The following FOXP2 variants were observed in gnomAD, a reference collection of about 807,000 sequenced individuals.
FOXP2 encodes forkhead box protein P2.
FOXP2 carries 12 observed loss-of-function variants against 115.8 expected under a neutral mutation model. That is an observed-to-expected ratio of 0.10 (90% CI 0.07 to 0.17). The LOEUF is 0.17. Among genes scored for constraint, FOXP2 ranks in the 10% least tolerant of loss-of-function variants. The pLI is 1.00. For missense variants in FOXP2, 629 were observed against 843.5 expected (o/e 0.75, Z 3.15); for synonymous variants, 328 against 297.7 (o/e 1.10, Z -1.05).
intron 1 of FOXP2, among the ~76,000 whole-genome samples, chr7:114,177,113 T>G (rs549001076): frequency 6.6e-6 from 1 of 152,290 alleles, no homozygotes; most frequent in African/African-American, 2.4e-5. Context: ...TTTTGGTTGT[T>G]TGTTTTCCTG....
At chr7:114,278,898 A>ATT (rs200379915) in intron 1 of FOXP2, among the ~76,000 whole-genome samples, 1 of 150,534 alleles carries the variant, frequency 6.6e-6, no homozygotes, top group Non-Finnish European at 1.5e-5. Context: ...AATGCCAGTG[A>ATT]TTTTTTTTTT....
chr7:114,160,457 T>C (rs1792798217), upstream of FOXP2, among the ~76,000 whole-genome samples: 1 of 152,164 alleles, frequency 6.6e-6, no homozygotes. Flanking sequence ...TTCATTGACA[T>C]ATATACTCTA....
At chr7:114,373,796 G>A (rs1527156) in intron 2 of FOXP2, among the ~76,000 whole-genome samples, 146,781 of 152,342 alleles carry the variant, frequency 0.96, 70,941 homozygotes, top group East Asian at 1. Context: ...TATAGTATCT[G>A]TGTAAGATAA....
Position 114,654,383 on chromosome 7 carries a change from C to A in FOXP2, c.1266+374C>A, listed in dbSNP as rs536564460. ...CACAAATAGAAATGTATGTGGTGTG[C>A]TGAAGAAGGCAGATCAATCATAAGA... is the stretch of plus-strand genomic sequence containing the variant. On this transcript the variant is annotated intron_variant, in intron 10 of 16. Coordinates refer to ENST00000350908, the MANE Select transcript of FOXP2 (RefSeq NM_014491.4). Among the ~76,000 whole-genome samples, 183 of 152,216 alleles carry A rather than the reference C, an allele frequency of 1.2e-3. 1 individual carries two copies. Among genetic ancestry groups the A allele is most frequent in the Non-Finnish European group, 1.9e-3 (132 of 68,012 alleles).
chr7:114,472,058 T>C (rs981532617), intron 2 of FOXP2, among the ~76,000 whole-genome samples: 3 of 152,116 alleles, frequency 2.0e-5, no homozygotes, highest in Non-Finnish European at 2.9e-5. Flanking sequence ...TGCAAACAGG[T>C]TTGCTAATTT....
At chr7:114,655,916 C>T (rs566154302) in intron 10 of FOXP2, among the ~76,000 whole-genome samples, 10 of 152,200 alleles carry the variant, frequency 6.6e-5, no homozygotes, top group Middle Eastern at 3.4e-3. Context: ...ATCAAGGCTG[C>T]GAGTCCTGAA....
At position 114,575,890 on chromosome 7, in the gene FOXP2, AT is replaced by A. The variant is rs569057909; in HGVS notation, c.258+41191del. On this transcript the variant is annotated intron_variant, in intron 3 of 16. Coordinates refer to ENST00000350908, the MANE Select transcript of FOXP2 (RefSeq NM_014491.4). ...ATTAACCAAGGATAATGTTGCAGTA[AT>A]TTTTTTCACAGTACCCTTTTTATAA... 2.2e-4 allele frequency among the ~76,000 whole-genome samples: 33 copies of A among 151,912 alleles called. No individual in the cohort carries two copies. In the East Asian group the frequency reaches 6.2e-3, roughly 29 times the overall value.
chr7:114,640,458 G>A (rs930509202), intron 6 of FOXP2, among the ~76,000 whole-genome samples: 5 of 152,116 alleles, frequency 3.3e-5, no homozygotes, highest in African/African-American at 9.7e-5. Flanking sequence ...ATTGTGATAG[G>A]CATAGCTATT....
At chr7:114,634,380 A>G (rs2129329484) in intron 6 of FOXP2, among the ~76,000 whole-genome samples, 1 of 152,230 alleles carries the variant, frequency 6.6e-6, no homozygotes, top group Non-Finnish European at 1.5e-5. Flanking sequence ...CTTAAATTAT[A>G]TTAAAATATA....
At chr7:114,293,239 CAT>C (rs1387215859) in intron 2 of FOXP2, among the ~76,000 whole-genome samples, 1 of 152,146 alleles carries the variant, frequency 6.6e-6, no homozygotes, top group African/African-American at 2.4e-5. Context: ...GATATTAAGA[CAT>C]ATGTTTTGAG....
chr7:114,513,315 A>G (rs1347503871), intron 2 of FOXP2, among the ~76,000 whole-genome samples: 1 of 152,184 alleles, frequency 6.6e-6, no homozygotes, highest in Non-Finnish European at 1.5e-5. Context: ...GCTTTGTGTA[A>G]TGCATTGGGA....
At chr7:114,509,589 C>T (rs918296127) in intron 2 of FOXP2, among the ~76,000 whole-genome samples, 4 of 148,196 alleles carry the variant, frequency 2.7e-5, no homozygotes, top group Non-Finnish European at 3.0e-5. Context: ...CAAGGATGAT[C>T]GCAACATTTG....
chr7:114,629,922 C>G lies in FOXP2; in HGVS notation c.514C>G (p.Gln172Glu). 1.9e-6 allele frequency: 3 copies of G among 1,612,380 alleles called. No individual in the cohort carries two copies. The highest frequency in any genetic ancestry group is 2.5e-6 in the Non-Finnish European group (3 of 1,179,466). Residue 172 changes from glutamine (Q) to glutamate (E), a missense_variant, in exon 5 of 17, where the codon CAA (glutamine) becomes GAA (glutamate). Transcript: ENST00000350908. ...GCAGCAACAACAGCAGCAGCAACAACAACAACAACAGCAGCAACAACAGCA... is the reference window on the plus strand; with the variant it reads ...GCAGCAACAACAGCAGCAGCAACAAGAACAACAACAGCAGCAACAACAGCA... ...QQQQQQQQQQ[Q>E]QQQQQQQQQQ...
At chr7:114,554,049 A>G (rs1800337791) in intron 3 of FOXP2, among the ~76,000 whole-genome samples, 1 of 152,132 alleles carries the variant, frequency 6.6e-6, no homozygotes, top group Admixed American at 6.5e-5. Context: ...TTATTATGTC[A>G]ATAACAGAGG....
At chr7:114,528,859 G>T (rs1010579452) in intron 2 of FOXP2, among the ~76,000 whole-genome samples, 3 of 151,552 alleles carry the variant, frequency 2.0e-5, no homozygotes, top group Admixed American at 2.0e-4. Context: ...TTTTATAGCA[G>T]AAAGATAAAT....
At chr7:114,350,848 C>A (rs964317628) in intron 2 of FOXP2, among the ~76,000 whole-genome samples, 1 of 152,062 alleles carries the variant, frequency 6.6e-6, no homozygotes, top group African/African-American at 2.4e-5. Context: ...TCAAAGACTC[C>A]CTCACATCCC....
chr7:114,198,903 A>G (rs1180910440), intron 1 of FOXP2, among the ~76,000 whole-genome samples: 4 of 152,246 alleles, frequency 2.6e-5, no homozygotes, highest in Admixed American at 1.3e-4. Context: ...CAGCTCATCC[A>G]AAGACAGTCT....
intron 1 of FOXP2, among the ~76,000 whole-genome samples, chr7:114,239,024 A>G (rs1454529479): frequency 6.8e-6 from 1 of 148,108 alleles, no homozygotes; most frequent in African/African-American, 2.6e-5. Flanking sequence ...TAGAAACAGC[A>G]TTCACGTTTC....
chr7:114,672,625 A>G (rs916299698), intron 16 of FOXP2, among the ~76,000 whole-genome samples: 6 of 151,522 alleles, frequency 4.0e-5, no homozygotes, highest in Admixed American at 3.3e-4. Context: ...TTATTCATCT[A>G]ATGTTTAGAA....
Sources: gnomAD v4.1 joint callset for allele counts (sites outside exome capture counted in the v4.1 genomes callset) on GRCh38, gnomAD v4.1.1 for gene constraint, MANE v1.5 for transcripts, NCBI Gene and HGNC (gene_info 2026-07-23, HGNC 2026-07-21) for gene names.